The following WASHC2C variants were observed in gnomAD, a reference collection of about 807,000 sequenced individuals.
WASHC2C encodes WASH complex subunit 2C.
In WASHC2C, 73 loss-of-function variants were observed where a neutral mutation model predicts 142.2. The observed-to-expected ratio is 0.51, with a 90% CI of 0.43 to 0.62. The LOEUF (loss-of-function observed/expected upper bound fraction) is 0.62, where lower values mean the gene tolerates loss of function less well. WASHC2C is among the 20% of genes least tolerant of loss of function. The probability of loss-of-function intolerance (pLI) is 0.00; values close to 1 mark genes in which losing one functional copy is unlikely to be tolerated. For missense variants in WASHC2C, 969 were observed against 1,531.7 expected (o/e 0.63, Z 6.13); for synonymous variants, 337 against 565.5 (o/e 0.60, Z 5.73).
At chr10:45,791,778 G>A (rs1315937688) in intron 30 of WASHC2C, among the ~76,000 whole-genome samples, 6 of 146,150 alleles carry the variant, frequency 4.1e-5, no homozygotes, top group Non-Finnish European at 9.1e-5. Context: ...TTGAGTCAGT[G>A]AAACACTAAA....
intron 6 of WASHC2C, among the ~76,000 whole-genome samples, chr10:45,744,612 T>G (rs2052579140): frequency 6.6e-6 from 1 of 152,198 alleles, no homozygotes; most frequent in Non-Finnish European, 1.5e-5. Context: ...TTTTTTTATT[T>G]GTAATGAATA....
chr10:45,779,319 T>A (rs1316066450), intron 23 of WASHC2C, among the ~76,000 whole-genome samples, 184 bp downstream of exon 23: 2 of 146,170 alleles, frequency 1.4e-5, no homozygotes, highest in Admixed American at 1.4e-4. Flanking sequence ...CAAGTAGCAG[T>A]GTTAGGATAG....
chr10:45,769,430 A>G lies in WASHC2C; in HGVS notation c.1870-19A>G, dbSNP rs2056343917. The G allele has an allele frequency of 7.5e-6, 12 of 1,603,352 alleles. No homozygotes were observed. The highest frequency in any genetic ancestry group is 1.3e-5 in the African/African-American group (1 of 74,088). On this transcript the variant is annotated intron_variant, in intron 19 of 30. Transcript: ENST00000623400. ...ACTGCGCCTGGCCTGGAGTTTTAAT[A>G]TATATTTTATGTTTTAAGGACCAGT...
chr10:45,757,142 G>A lies in WASHC2C; in HGVS notation c.1548+3G>A. The stretch of plus-strand genomic sequence containing the variant: ...ATAAAGCAAGAGCAGAAAAAAAGGT[G>A]AGCAGGAGGGAAGACTTAACGCAGG... On this transcript the variant is annotated splice_donor_region_variant and intron_variant, in intron 16 of 30. Coordinates refer to ENST00000623400, the MANE Select transcript of WASHC2C (RefSeq NM_001330074.2). The A allele has an allele frequency of 1.2e-6, 2 of 1,604,968 alleles. No individual in the cohort carries two copies. The highest frequency in any genetic ancestry group is 8.5e-7 in the Non-Finnish European group (1 of 1,178,228).
At chr10:45,773,073 A>G (rs1489980808) in intron 20 of WASHC2C, among the ~76,000 whole-genome samples, 183 bp from the exon 21 acceptor site, 3 of 144,678 alleles carry the variant, frequency 2.1e-5, no homozygotes, top group Non-Finnish European at 3.0e-5. Context: ...TGTTGGAGTC[A>G]GATTTCATCT....
intron 17 of WASHC2C, among the ~76,000 whole-genome samples, chr10:45,762,035 G>T (rs2055165183): frequency 6.6e-6 from 1 of 150,708 alleles, no homozygotes; most frequent in South Asian, 2.1e-4. Context: ...TGTCCAAAGA[G>T]GTCTTAGAAA....
intron 24 of WASHC2C, 64 bp downstream of exon 24, chr10:45,784,757 C>G: frequency 6.3e-7 from 1 of 1,590,498 alleles, no homozygotes; most frequent in Non-Finnish European, 8.6e-7. Flanking sequence ...CTCAACAGCT[C>G]ACCTAGTTCT....
At position 45,791,903 on chromosome 10, in the gene WASHC2C, G is replaced by C. The variant is rs2058415529; in HGVS notation, c.3887-358G>C. On this transcript the variant is annotated intron_variant, in intron 30 of 30. Coordinates refer to ENST00000623400, the MANE Select transcript of WASHC2C (RefSeq NM_001330074.2). ...GGATTTCCCTTTGCATATTTTTATT[G>C]CTCTTTTAAAACCCAGTATGAAAAG... Among the ~76,000 whole-genome samples the C allele has an allele frequency of 1.4e-5, 2 of 145,720 alleles. 1 individual carries two copies. The highest frequency in any genetic ancestry group is 5.0e-5 in the African/African-American group (2 of 39,884).
chr10:45,749,774 C>T (rs1457346805), intron 8 of WASHC2C, among the ~76,000 whole-genome samples: 6 of 142,890 alleles, frequency 4.2e-5, no homozygotes, highest in Admixed American at 7.2e-5. Flanking sequence ...TTCAGTGAGC[C>T]GAGATCGTGC....
At chr10:45,727,828 A>C (rs1187773982) in intron 2 of WASHC2C, among the ~76,000 whole-genome samples, 2 of 152,068 alleles carry the variant, frequency 1.3e-5, no homozygotes, top group Non-Finnish European at 2.9e-5. Flanking sequence ...TTGCTCGGGC[A>C]CTAGGGAGGC....
At chr10:45,787,996 A>G (rs1278684983) in intron 28 of WASHC2C, among the ~76,000 whole-genome samples, 12 of 152,246 alleles carry the variant, frequency 7.9e-5, no homozygotes, top group Non-Finnish European at 1.6e-4. Context: ...TCTGCAAGTA[A>G]GTGACAGGAC....
At chr10:45,741,470 T>C (rs1186336221) in intron 5 of WASHC2C, among the ~76,000 whole-genome samples, 20 of 149,134 alleles carry the variant, frequency 1.3e-4, no homozygotes, top group Admixed American at 2.7e-4. Context: ...CTTTTTTTTT[T>C]CCCCTTGCAG....
At chr10:45,789,628 C>T (rs1261618548) in intron 29 of WASHC2C, 137 bp downstream of exon 29, 33 of 1,463,362 alleles carry the variant, frequency 2.3e-5, no homozygotes, top group Admixed American at 4.0e-5. Flanking sequence ...TAATTAGGCT[C>T]TTTTATTAAT....
intron 8 of WASHC2C, among the ~76,000 whole-genome samples, chr10:45,749,040 C>G (rs1459987391): frequency 2.0e-5 from 3 of 152,238 alleles, no homozygotes; most frequent in Non-Finnish European, 2.9e-5. Context: ...GGATGGCTCT[C>G]TAGTCATTAC....
chr10:45,734,184 C>T (rs1315600803), intron 3 of WASHC2C, among the ~76,000 whole-genome samples: 1 of 152,126 alleles, frequency 6.6e-6, no homozygotes, highest in African/African-American at 2.4e-5. Context: ...GAGATCCCGC[C>T]ACTGCACTTC....
rs1426097013 is a variant in WASHC2C at position 45,789,448 on chromosome 10, G to T, written c.3665G>T (p.Ser1222Ile). Residue 1222 changes from serine to isoleucine, a missense_variant, in exon 29 of 31, where the codon AGT becomes ATT. Physicochemically the swap from Ser to Ile is moderately radical, Grantham distance 142 (BLOSUM62 -2). Coordinates refer to ENST00000623400, the MANE Select transcript of WASHC2C (RefSeq NM_001330074.2). ...QKVKKNETKS[S>I]SQQDVILTTQ... is the part of the protein sequence containing the mutation. ...GTCAAGAAGAATGAGACAAAATCCA[G>T]TAGTCAGCAGGATGTCATATTAACA... The T allele has an allele frequency of 5.0e-5, 80 of 1,609,082 alleles. 3 individuals are homozygous for T. The Middle Eastern group carries it at 1.4e-3, about 27-fold the overall frequency.
intron 7 of WASHC2C, 120 bp from the exon 8 acceptor site, chr10:45,746,480 G>A: frequency 1.7e-6 from 2 of 1,196,184 alleles, no homozygotes; most frequent in Non-Finnish European, 2.5e-6. Context: ...GAGACTGAGT[G>A]TCAGAGCTTT....
intron 3 of WASHC2C, among the ~76,000 whole-genome samples, chr10:45,735,553 G>A (rs2051122563): frequency 6.6e-6 from 1 of 151,944 alleles, no homozygotes; most frequent in African/African-American, 2.4e-5. Flanking sequence ...ACTGTCCCCA[G>A]CAGGATTATC....
In WASHC2C at chr10:45,792,680, A is replaced by G; in HGVS notation, c.*280A>G. 1.9e-6 allele frequency: 1 copy of G among 528,972 alleles called. No individual in the cohort carries two copies. Among genetic ancestry groups the G allele is most frequent in the South Asian group, 2.0e-5 (1 of 50,250 alleles). 32.8% of individuals were successfully genotyped at this position (528,972 alleles called of 1,614,324 possible). ...CCATAATATGCTTCAGGGTGTGTAA[A>G]AGAAGAAATCTCTTTGTGGCTTTCA... is the stretch of plus-strand genomic sequence containing the variant. On this transcript the variant is annotated 3_prime_UTR_variant, in exon 31 of 31. Transcript: ENST00000623400.
Sources: allele counts gnomAD v4.1 joint callset (sites outside exome capture counted in the v4.1 genomes callset), GRCh38; gene constraint gnomAD v4.1.1; transcripts MANE v1.5; gene names NCBI Gene and HGNC (gene_info 2026-07-23, HGNC 2026-07-21).